The following ADGRL4 variants were observed in gnomAD, a reference collection of about 807,000 sequenced individuals.
ADGRL4 encodes the protein EGF, latrophilin and seven transmembrane domain containing 1.
Under a neutral mutation model 74.8 loss-of-function variants are expected in ADGRL4, and 90 were observed. The ratio of observed to expected loss-of-function variants is 1.20; its 90% CI spans 1.02 to 1.43. The LOEUF is 1.43. ADGRL4 is among the 40% of genes most tolerant of loss of function. ADGRL4 has a pLI of 0.00. For synonymous variants in ADGRL4, 311 were observed against 279.2 expected, an observed-to-expected ratio of 1.11 and a Z score of -1.14; for missense variants, 881 against 814.3, an observed-to-expected ratio of 1.08 and a Z score of -1.00.
chr1:78,898,884 A>G (rs1195697348), intron 12 of ADGRL4, among the ~76,000 whole-genome samples: 3 of 152,156 alleles, frequency 2.0e-5, no homozygotes, highest in African/African-American at 7.2e-5. Flanking sequence ...GTGTCTTTAA[A>G]AAAAACAAGA....
At chr1:78,998,962 T>G (rs1305676614) in intron 2 of ADGRL4, among the ~76,000 whole-genome samples, 1 of 152,202 alleles carries the variant, frequency 6.6e-6, no homozygotes, top group East Asian at 1.9e-4. Flanking sequence ...GAATAGTGTC[T>G]AGCTCACAGA....
At chr1:78,898,576 C>T (rs963926966) in intron 12 of ADGRL4, among the ~76,000 whole-genome samples, 3 of 150,940 alleles carry the variant, frequency 2.0e-5, no homozygotes, top group African/African-American at 7.3e-5. Flanking sequence ...TAGAAATAAA[C>T]AGGGCAAGGA....
intron 2 of ADGRL4, among the ~76,000 whole-genome samples, chr1:79,003,175 T>A (rs1322644061): frequency 6.6e-6 from 1 of 152,020 alleles, no homozygotes; most frequent in Non-Finnish European, 1.5e-5. Context: ...TCAACAAGAA[T>A]CTTAAAACTC....
At chr1:78,894,274 T>C (rs1042753614) in intron 12 of ADGRL4, among the ~76,000 whole-genome samples, 2 of 151,842 alleles carry the variant, frequency 1.3e-5, no homozygotes, top group Non-Finnish European at 2.9e-5. Flanking sequence ...TATAAAATAA[T>C]GGGCCTGAGA....
chr1:79,006,006 G>A (rs1170463118), intron 1 of ADGRL4, among the ~76,000 whole-genome samples: 2 of 152,076 alleles, frequency 1.3e-5, no homozygotes, highest in East Asian at 1.9e-4. Flanking sequence ...TATATGTTGT[G>A]GACTGATAGG....
chr1:79,006,519 G>T, intron 1 of ADGRL4, 114 bp downstream of exon 1: 2 of 1,217,282 alleles, frequency 1.6e-6, no homozygotes, highest in Non-Finnish European at 2.3e-6. Flanking sequence ...AATTCTCCTC[G>T]GAGATTTTGC....
At position 78,889,946 on chromosome 1, in the gene ADGRL4, G is replaced by A. The variant is rs1198001563; in HGVS notation, c.*1208C>T. On this transcript the variant is annotated 3_prime_UTR_variant, in exon 15 of 15. Coordinates refer to ENST00000370742, the MANE Select transcript of ADGRL4 (RefSeq NM_022159.4). ...ATACATTTTAATGAGAAGATTTAAA[G>A]ACAGATAGAAGCTATATATTTAAGC... 31 of 353,838 alleles carry A rather than the reference G, an allele frequency of 8.8e-5. No homozygotes were observed. Among genetic ancestry groups the A allele is most frequent in the Non-Finnish European group, 5.8e-6 (1 of 172,898 alleles). The allele number at this position is 353,838 out of a possible 1,614,324, so 21.9% of individuals were successfully genotyped here. A position where few individuals can be genotyped will look rare whatever the true frequency, so the allele number is the denominator to read the frequency against.
intron 3 of ADGRL4, among the ~76,000 whole-genome samples, chr1:78,945,177 A>AAAAAAATATATATATAT (rs376405445): frequency 2.3e-5 from 3 of 127,924 alleles, no homozygotes; most frequent in African/African-American, 8.8e-5. Context: ...AAAAAAAAAA[A>AAAAAAATATATATATAT]ATATATATAT....
At chr1:78,928,632 T>C (rs1035410051) in intron 7 of ADGRL4, among the ~76,000 whole-genome samples, 6 of 151,492 alleles carry the variant, frequency 4.0e-5, no homozygotes, top group Non-Finnish European at 5.9e-5. Flanking sequence ...AGAGATAGCC[T>C]TCAATTTAAT....
At chr1:78,956,265 C>G (rs1416998991) in intron 2 of ADGRL4, among the ~76,000 whole-genome samples, 2 of 152,086 alleles carry the variant, frequency 1.3e-5, no homozygotes, top group Non-Finnish European at 2.9e-5. Context: ...CATAACTTTC[C>G]CAGCATTCAG....
At chr1:78,951,525 T>C (rs778520094) in intron 2 of ADGRL4, among the ~76,000 whole-genome samples, 7 of 152,236 alleles carry the variant, frequency 4.6e-5, no homozygotes, top group Non-Finnish European at 7.3e-5. Flanking sequence ...GATGGTTATC[T>C]ACTCGTTTAG....
At chr1:78,904,262 T>G (rs925773041) in intron 12 of ADGRL4, among the ~76,000 whole-genome samples, 1 of 152,038 alleles carries the variant, frequency 6.6e-6, no homozygotes, top group African/African-American at 2.4e-5. Context: ...AGATTTAATG[T>G]ATTTTTGAGG....
intron 9 of ADGRL4, 116 bp downstream of exon 9, chr1:78,921,496 TA>T: frequency 1.9e-6 from 1 of 535,720 alleles, no homozygotes; most frequent in Non-Finnish European, 3.0e-6. Context: ...TCTCTTATAC[TA>T]AATGTGCTAT....
chr1:79,002,400 T>C (rs1005390695), intron 2 of ADGRL4, among the ~76,000 whole-genome samples: 2 of 152,086 alleles, frequency 1.3e-5, no homozygotes, highest in African/African-American at 4.8e-5. Context: ...AACCTAGAAG[T>C]TGAACATGTA....
intron 2 of ADGRL4, among the ~76,000 whole-genome samples, chr1:78,971,996 G>A (rs973646629): frequency 2.6e-5 from 4 of 151,978 alleles, no homozygotes; most frequent in African/African-American, 9.7e-5. Flanking sequence ...CTTAGGTGAT[G>A]CACCTGCCTC....
Position 78,937,907 on chromosome 1 carries a change from T to A in ADGRL4, c.660A>T (p.Thr220=). 1 of 1,614,010 alleles carries A rather than the reference T, an allele frequency of 6.2e-7. No individual in the cohort carries two copies. The highest frequency in any genetic ancestry group is 8.5e-7 in the Non-Finnish European group (1 of 1,179,900). Reference sequence around the variant, plus strand: ...CAGTGTGCATGAGTTTTGTAAGATGTGTTCTCCTATGATTCACAGATAACT... The same window carrying A: ...CAGTGTGCATGAGTTTTGTAAGATGAGTTCTCCTATGATTCACAGATAACT... ...WDKLSVNHRR[T]HLTKLMHTVE... is the part of the protein sequence containing the mutation. The change falls in exon 6 of 15, where the codon ACA becomes ACT. Residue 220 remains threonine (T), a synonymous_variant. Transcript: ENST00000370742.
intron 2 of ADGRL4, among the ~76,000 whole-genome samples, chr1:78,985,637 A>G (rs185271389): frequency 6.6e-6 from 1 of 151,972 alleles, no homozygotes; most frequent in East Asian, 1.9e-4. Context: ...AAAATTATAT[A>G]TAACAACTTC....
At chr1:79,003,360 T>C (rs1478573420) in intron 2 of ADGRL4, among the ~76,000 whole-genome samples, 2 of 150,856 alleles carry the variant, frequency 1.3e-5, no homozygotes, top group African/African-American at 2.4e-5. Flanking sequence ...TCTCAGATAA[T>C]AAACATCAAA....
At chr1:78,917,425 G>A (rs1570225702) in intron 12 of ADGRL4, among the ~76,000 whole-genome samples, 2 of 150,412 alleles carry the variant, frequency 1.3e-5, no homozygotes, top group African/African-American at 4.8e-5. Context: ...TATTTAAAAA[G>A]TATATATTAA....
Sources: allele counts gnomAD v4.1 joint callset (sites outside exome capture counted in the v4.1 genomes callset), GRCh38; gene constraint gnomAD v4.1.1; transcripts MANE v1.5; gene names NCBI Gene and HGNC (gene_info 2026-07-23, HGNC 2026-07-21).